The following BHLHA15 variants were observed in gnomAD, a reference collection of about 807,000 sequenced individuals.
The protein encoded by BHLHA15 is basic helix-loop-helix family member a15, also known as class A basic helix-loop-helix protein 15.
In BHLHA15, 7 loss-of-function variants were observed where a neutral mutation model predicts 10.4. That is an observed-to-expected ratio of 0.67 (90% CI 0.38 to 1.26). BHLHA15 has a LOEUF of 1.26. Ranked by LOEUF, BHLHA15 falls within the 50% of genes most tolerant of loss-of-function variation. The probability of loss-of-function intolerance (pLI) is 0.02; values close to 1 mark genes in which losing one functional copy is unlikely to be tolerated. For missense variants in BHLHA15, 289 were observed against 287.4 expected (o/e 1.01, Z -0.04); for synonymous variants, 140 against 131.5 (o/e 1.06, Z -0.44).
Position 98,212,801 on chromosome 7 carries a change from G to C in BHLHA15, c.492G>C (p.Leu164Phe). The change falls in exon 2 of 2, where the codon TTG becomes TTC. Residue 164 changes from leucine to phenylalanine, a missense_variant. Transcript: ENST00000609256. ...AGCAGCAGGTGGCTGGGGGTGCGTT[G>C]GGGGCCACGGAGGCCCAGCCCCAGG... is the stretch of plus-strand genomic sequence containing the variant. ...QQQQQVAGGA[L>F]GATEAQPQGH... 3 of 1,548,366 alleles carry C rather than the reference G, an allele frequency of 1.9e-6. No homozygotes were observed. Among genetic ancestry groups the C allele is most frequent in the Non-Finnish European group, 2.6e-6 (3 of 1,148,562 alleles).
rs1333737002 is a variant in BHLHA15, at chr7:98,213,463, A to G, written c.*584A>G. Among the ~76,000 whole-genome samples the G allele has an allele frequency of 6.6e-6, 1 of 152,180 alleles. No individual in the cohort carries two copies. The highest frequency in any genetic ancestry group is 6.5e-5 in the Admixed American group (1 of 15,284). Reference sequence around the variant, plus strand: ...CAGAAACTCTAATCAGATGACCTCCAATTCATCCTTAAAAGTTGAATGGTG... The same window carrying G: ...CAGAAACTCTAATCAGATGACCTCCGATTCATCCTTAAAAGTTGAATGGTG... On this transcript the variant is annotated 3_prime_UTR_variant, in exon 2 of 2. Transcript: ENST00000609256.
chr7:98,213,045 T>C lies in BHLHA15; in HGVS notation c.*166T>C, dbSNP rs1584311819. On this transcript the variant is annotated 3_prime_UTR_variant, in exon 2 of 2. Transcript: ENST00000609256. The stretch of plus-strand genomic sequence containing the variant: ...ACATTCAGCCACTTCCCTGGAGCAA[T>C]TTTTCCTGCCCCGCTGGGGACCAGC... 3 of 677,072 alleles carry C rather than the reference T, an allele frequency of 4.4e-6. No homozygotes were observed. The allele number at this position is 677,072 out of a possible 1,614,324, so 41.9% of individuals were successfully genotyped here.
In BHLHA15 at chr7:98,212,715, AGCAGCCGCCTC is replaced by A. The variant is rs746398954; in HGVS notation, c.407_417del (p.Ser136ThrfsTer135). 2.6e-6 allele frequency: 4 copies of A among 1,562,740 alleles called. No individual in the cohort carries two copies. The South Asian group carries it at 4.7e-5, about 18-fold the overall frequency. ...GACGGCCACCATCCTGACCATGTCC[AGCAGCCGCCTC>A]CCAGGCCTGGAGGGGCCGGGCCCCA... On this transcript the variant is annotated frameshift_variant, in exon 2 of 2. Coordinates refer to ENST00000609256, the MANE Select transcript of BHLHA15 (RefSeq NM_177455.4). LOFTEE classifies it high-confidence loss of function.
chr7:98,213,019 A>C lies in BHLHA15; in HGVS notation c.*140A>C. The C allele has an allele frequency of 1.2e-6, 1 of 819,586 alleles. No homozygotes were observed. The highest frequency in any genetic ancestry group is 2.1e-5 in the South Asian group (1 of 47,926). The allele number at this position is 819,586 out of a possible 1,614,324, so 50.8% of individuals were successfully genotyped here. On this transcript the variant is annotated 3_prime_UTR_variant, in exon 2 of 2. Coordinates refer to ENST00000609256, the MANE Select transcript of BHLHA15 (RefSeq NM_177455.4). ...GCCTCAGCGGTTCCATTTTCCCCCG[A>C]ACATTCAGCCACTTCCCTGGAGCAA...
chr7:98,212,620 ACGTGCGCG>A lies in BHLHA15; in HGVS notation c.314_321del (p.Val105GlyfsTer167). ...CAGGCCCTGCGTGAAGTCATCCCCC[ACGTGCGCG>A]CGGACAAGAAGCTCTCCAAGATCGA... is the stretch of plus-strand genomic sequence containing the variant. On this transcript the variant is annotated frameshift_variant, in exon 2 of 2. Transcript: ENST00000609256. LOFTEE classifies it high-confidence loss of function. 1.2e-6 allele frequency: 2 copies of A among 1,606,816 alleles called. No individual in the cohort carries two copies. Among genetic ancestry groups the A allele is most frequent in the Non-Finnish European group, 1.7e-6 (2 of 1,177,720 alleles).
rs1016069083 is a variant in BHLHA15 at position 98,211,481 on chromosome 7, G to A, written c.-72G>A. On this transcript the variant is annotated 5_prime_UTR_variant, in exon 1 of 2. It adds an upstream start codon to the 5' untranslated region. Transcript: ENST00000609256. ...TCCCCCGTGGGCAGCCTCGGCGCGT[G>A]TGGCCGCGGATCCCCAGGTAACCCG... 1 of 152,144 alleles carries A rather than the reference G, an allele frequency of 6.6e-6. No homozygotes were observed. The highest frequency in any genetic ancestry group is 1.5e-5 in the Non-Finnish European group (1 of 68,016). The allele number at this position is 152,144 out of a possible 1,614,324, so 9.4% of individuals were successfully genotyped here.
rs1797941199 is a variant in BHLHA15, at chr7:98,213,575, CTG to C, written c.*697_*698del. On this transcript the variant is annotated 3_prime_UTR_variant, in exon 2 of 2. Coordinates refer to ENST00000609256, the MANE Select transcript of BHLHA15 (RefSeq NM_177455.4). ...CAGGCTGTGCCTGGTTGTGGAGGGTCTGGGGCAGGGTGTGAGGGGTGCTGTGG... is the reference window on the plus strand; with the variant it reads ...CAGGCTGTGCCTGGTTGTGGAGGGTCGGGCAGGGTGTGAGGGGTGCTGTGG... Among the ~76,000 whole-genome samples the C allele has an allele frequency of 6.6e-6, 1 of 152,180 alleles. No homozygotes were observed. Among genetic ancestry groups the C allele is most frequent in the African/African-American group, 2.4e-5 (1 of 41,460 alleles).
chr7:98,213,884 CT>C lies in BHLHA15; in HGVS notation c.*1006del. On this transcript the variant is annotated 3_prime_UTR_variant, in exon 2 of 2. Coordinates refer to ENST00000609256, the MANE Select transcript of BHLHA15 (RefSeq NM_177455.4). ...TTGGCAGCCCGTTGGGTCTCTCTGC[CT>C]GGTGGAGCCTTGGGGTGGCAGGTAC... Among the ~76,000 whole-genome samples the C allele has an allele frequency of 6.6e-6, 1 of 152,344 alleles. No homozygotes were observed. The highest frequency in any genetic ancestry group is 1.5e-5 in the Non-Finnish European group (1 of 68,020).
In BHLHA15 at chr7:98,213,001, C is replaced by A. The variant is rs540561469; in HGVS notation, c.*122C>A. On this transcript the variant is annotated 3_prime_UTR_variant, in exon 2 of 2. Coordinates refer to ENST00000609256, the MANE Select transcript of BHLHA15 (RefSeq NM_177455.4). The stretch of plus-strand genomic sequence containing the variant: ...ACACCCCACAAGGACACGGCCTCAG[C>A]GGTTCCATTTTCCCCCGAACATTCA... The A allele has an allele frequency of 3.1e-4, 287 of 935,548 alleles. 4 individuals carry two copies. The South Asian group carries it at 5.0e-3, about 16-fold the overall frequency. The allele number at this position is 935,548 out of a possible 1,614,324, so 58.0% of individuals were successfully genotyped here.
chr7:98,212,850 C>A lies in BHLHA15; in HGVS notation c.541C>A (p.Gln181Lys), dbSNP rs376971595. The A allele has an allele frequency of 2.5e-5, 38 of 1,546,770 alleles. No individual in the cohort carries two copies. The highest frequency in any genetic ancestry group is 8.7e-5 in the Admixed American group (4 of 46,196). The change falls in exon 2 of 2, where the codon CAG becomes AAG. Residue 181 changes from glutamine (Q) to lysine (K), a missense_variant. Coordinates refer to ENST00000609256, the MANE Select transcript of BHLHA15 (RefSeq NM_177455.4). Reference sequence around the variant, plus strand: ...GGGCCACCTGCAGAGGTACTCCACGCAGATCCACAGCTTCCGAGAGGGCAC... The same window carrying A: ...GGGCCACCTGCAGAGGTACTCCACGAAGATCCACAGCTTCCGAGAGGGCAC... ...PQGHLQRYSTQIHSFREGT is the reference protein window; with the variant it reads ...PQGHLQRYSTKIHSFREGT
chr7:98,211,947 A>G (rs1214833410), intron 1 of BHLHA15, among the ~76,000 whole-genome samples: 1 of 151,990 alleles, frequency 6.6e-6, no homozygotes, highest in Non-Finnish European at 1.5e-5. Flanking sequence ...CTCAGGAGGC[A>G]CTCTGGGGGC....
In BHLHA15 at chr7:98,212,911, G is replaced by A. The variant is rs755944211; in HGVS notation, c.*32G>A. On this transcript the variant is annotated 3_prime_UTR_variant, in exon 2 of 2. Coordinates refer to ENST00000609256, the MANE Select transcript of BHLHA15 (RefSeq NM_177455.4). Reference sequence around the variant, plus strand: ...GTCCTGGGTGGGGGTGGCGGTGGCCGCAGCTGCCTGGCCTGCTCCTCCCAG... The same window carrying A: ...GTCCTGGGTGGGGGTGGCGGTGGCCACAGCTGCCTGGCCTGCTCCTCCCAG... 1.9e-5 allele frequency: 28 copies of A among 1,500,778 alleles called. No homozygotes were observed. The highest frequency in any genetic ancestry group is 5.4e-5 in the Admixed American group (2 of 37,098). The allele number at this position is 1,500,778 out of a possible 1,614,324, so 93.0% of individuals were successfully genotyped here. A position where few individuals can be genotyped will look rare whatever the true frequency, so the allele number is the denominator to read the frequency against.
rs1371246020 is a variant in BHLHA15, at chr7:98,213,525, T to C, written c.*646T>C. On this transcript the variant is annotated 3_prime_UTR_variant, in exon 2 of 2. Transcript: ENST00000609256. ...GAGTCTCTTCCTCCCTCCTCCCAAG[T>C]TGGGGCTCCTGGATGTGTTGACTCC... Among the ~76,000 whole-genome samples, 1 of 152,184 alleles carries C rather than the reference T, an allele frequency of 6.6e-6. No homozygotes were observed. The highest frequency in any genetic ancestry group is 1.5e-5 in the Non-Finnish European group (1 of 68,018).
rs567029254 is a variant in BHLHA15 at position 98,212,722 on chromosome 7, G to A, written c.413G>A (p.Arg138His). The A allele has an allele frequency of 1.1e-5, 17 of 1,560,156 alleles. No individual in the cohort carries two copies. In the East Asian group the frequency reaches 1.2e-4, roughly 11 times the overall value. Residue 138 changes from arginine to histidine, a missense_variant, in exon 2 of 2, where the codon CGC becomes CAC. Coordinates refer to ENST00000609256, the MANE Select transcript of BHLHA15 (RefSeq NM_177455.4). ...TATILTMSSS[R>H]LPGLEGPGPK... The stretch of plus-strand genomic sequence containing the variant: ...ACCATCCTGACCATGTCCAGCAGCC[G>A]CCTCCCAGGCCTGGAGGGGCCGGGC...
rs1260182241 is a variant in BHLHA15 at position 98,212,761 on chromosome 7, A to C, written c.452A>C (p.Gln151Pro). ...GAGGGGCCGGGCCCCAAGCTCTACC[A>C]GCACTACCAGCAGCAGCAGCAGGTG... The part of the protein sequence containing the change: ...GLEGPGPKLY[Q>P]HYQQQQQVAG... The change falls in exon 2 of 2, where the codon CAG becomes CCG. Residue 151 changes from glutamine to proline, a missense_variant. Coordinates refer to ENST00000609256, the MANE Select transcript of BHLHA15 (RefSeq NM_177455.4). The C allele has an allele frequency of 3.9e-6, 6 of 1,551,916 alleles. No individual in the cohort carries two copies. The South Asian group carries it at 7.1e-5, about 18-fold the overall frequency.
Position 98,212,609 on chromosome 7 carries a change from A to C in BHLHA15, c.300A>C (p.Glu100Asp). 6.2e-7 allele frequency: 1 copy of C among 1,607,686 alleles called. No homozygotes were observed. Among genetic ancestry groups the C allele is most frequent in the Non-Finnish European group, 8.5e-7 (1 of 1,178,112 alleles). The change falls in exon 2 of 2, where the codon GAA becomes GAC. Residue 100 changes from glutamate (E) to aspartate (D), a missense_variant. Coordinates refer to ENST00000609256, the MANE Select transcript of BHLHA15 (RefSeq NM_177455.4). The stretch of plus-strand genomic sequence containing the variant: ...ATAACGCCTTCCAGGCCCTGCGTGA[A>C]GTCATCCCCCACGTGCGCGCGGACA... Reference protein sequence around the residue: ...KLNNAFQALREVIPHVRADKK... With the variant: ...KLNNAFQALRDVIPHVRADKK...
At chr7:98,212,224 GA>G (rs1363155297) in intron 1 of BHLHA15, 31 bp from the exon 2 acceptor site, 2 of 1,240,196 alleles carry the variant, frequency 1.6e-6, no homozygotes, top group Non-Finnish European at 1.0e-6. Context: ...CATGTGGGGT[GA>G]CCACAGAGTG....
rs1244775744 is a variant in BHLHA15, at chr7:98,213,652, C to T, written c.*773C>T. 2.0e-5 allele frequency among the ~76,000 whole-genome samples: 3 copies of T among 152,178 alleles called. No individual in the cohort carries two copies. Among genetic ancestry groups the T allele is most frequent in the Non-Finnish European group, 4.4e-5 (3 of 68,014 alleles). ...GTGTTCCTGGTGCAGCCCTTCTGGGCATGGGAGAGAAGCCCCAAGGCCCTG... is the reference window on the plus strand; with the variant it reads ...GTGTTCCTGGTGCAGCCCTTCTGGGTATGGGAGAGAAGCCCCAAGGCCCTG... On this transcript the variant is annotated 3_prime_UTR_variant, in exon 2 of 2. Transcript: ENST00000609256.
Position 98,214,637 on chromosome 7 carries a change from G to C in BHLHA15, c.*1758G>C, listed in dbSNP as rs1330757004. The C allele has an allele frequency of 6.6e-6, 1 of 152,238 alleles. No homozygotes were observed. The highest frequency in any genetic ancestry group is 2.4e-5 in the African/African-American group (1 of 41,454). 9.4% of individuals were successfully genotyped at this position (152,238 alleles called of 1,614,324 possible). ...TCCGGCTGAGCCATGGCCAGAGCAG[G>C]GCTCAGTCTGCCCCTGAACTTGCTG... On this transcript the variant is annotated 3_prime_UTR_variant, in exon 2 of 2. Coordinates refer to ENST00000609256, the MANE Select transcript of BHLHA15 (RefSeq NM_177455.4).
Sources: gnomAD v4.1 joint callset for allele counts (sites outside exome capture counted in the v4.1 genomes callset) on GRCh38, gnomAD v4.1.1 for gene constraint, MANE v1.5 for transcripts, NCBI Gene and HGNC (gene_info 2026-07-23, HGNC 2026-07-21) for gene names.